The following SNX6 variants were observed in gnomAD, a reference collection of about 807,000 sequenced individuals.
SNX6 encodes the protein sorting nexin-6.
Under a neutral mutation model 63.0 loss-of-function variants are expected in SNX6, and 34 were observed. That is an observed-to-expected ratio of 0.54 (90% CI 0.41 to 0.72). The LOEUF is 0.72. Ranked by LOEUF, SNX6 falls within the 30% of genes least tolerant of loss-of-function variation. The pLI, the probability that SNX6 is intolerant of heterozygous loss-of-function variation, is 0.00. For missense variants in SNX6, 398 were observed against 471.4 expected, an observed-to-expected ratio of 0.84 and a Z score of 1.44; for synonymous variants, 170 against 164.2, an observed-to-expected ratio of 1.04 and a Z score of -0.27.
Position 34,562,725 on chromosome 14 carries a change from G to A in SNX6, c.*397C>T. The stretch of plus-strand genomic sequence containing the variant: ...AACAAAATTTAAAAAATTCAAAAAA[G>A]GCAATCTTTATCTTGTTTCAACAAT... On this transcript the variant is annotated 3_prime_UTR_variant, in exon 14 of 14. Coordinates refer to ENST00000362031, the MANE Select transcript of SNX6 (RefSeq NM_152233.4). The A allele has an allele frequency of 6.5e-6, 1 of 153,648 alleles. No homozygotes were observed. The highest frequency in any genetic ancestry group is 1.5e-5 in the Non-Finnish European group (1 of 68,294). The allele number at this position is 153,648 out of a possible 1,614,324, so 9.5% of individuals were successfully genotyped here.
At chr14:34,591,957 T>C (rs1032996230) in intron 8 of SNX6, among the ~76,000 whole-genome samples, 1 of 152,184 alleles carries the variant, frequency 6.6e-6, no homozygotes, top group African/African-American at 2.4e-5. Context: ...CATACTTGAG[T>C]ATGTAGCCAA....
chr14:34,562,994 G>A lies in SNX6; in HGVS notation c.*128C>T. 2.3e-6 allele frequency: 2 copies of A among 875,504 alleles called. No homozygotes were observed. The highest frequency in any genetic ancestry group is 1.7e-5 in the African/African-American group (1 of 59,356). The allele number at this position is 875,504 out of a possible 1,614,324, so 54.2% of individuals were successfully genotyped here. A position where few individuals can be genotyped will look rare whatever the true frequency, so the allele number is the denominator to read the frequency against. ...CTGCTCCATGTTTCTCAGAAAAAGA[G>A]GAGTTGATGCACTTTTTCAGCTGCT... On this transcript the variant is annotated 3_prime_UTR_variant, in exon 14 of 14. Coordinates refer to ENST00000362031, the MANE Select transcript of SNX6 (RefSeq NM_152233.4).
chr14:34,566,980 C>T (rs758944190), intron 13 of SNX6, among the ~76,000 whole-genome samples: 33 of 152,018 alleles, frequency 2.2e-4, no homozygotes, highest in Middle Eastern at 3.4e-3. Flanking sequence ...CTCAGCACTA[C>T]GGGAGGCCGA....
At chr14:34,597,095 G>A (rs1241244842) in intron 7 of SNX6, among the ~76,000 whole-genome samples, 2 of 152,260 alleles carry the variant, frequency 1.3e-5, no homozygotes, top group African/African-American at 4.8e-5. Flanking sequence ...TGTCTGTCCT[G>A]CATCTAGGAG....
At chr14:34,593,590 TTA>T (rs1882485797) in intron 7 of SNX6, among the ~76,000 whole-genome samples, 1 of 150,152 alleles carries the variant, frequency 6.7e-6, no homozygotes. Flanking sequence ...TTTTTTTTTT[TTA>T]GGCAAAGTCT....
At chr14:34,584,809 A>T (rs1252708844) in intron 9 of SNX6, among the ~76,000 whole-genome samples, 4 of 152,134 alleles carry the variant, frequency 2.6e-5, no homozygotes, top group Non-Finnish European at 5.9e-5. Context: ...TTTAAAAAAT[A>T]GGACAGAAAG....
intron 7 of SNX6, 50 bp downstream of exon 7, chr14:34,597,500 T>C (rs752908549): frequency 3.7e-5 from 40 of 1,079,338 alleles, no homozygotes; most frequent in Non-Finnish European, 7.0e-6. Context: ...TCTATCTCCC[T>C]TTTAAAAGAA....
chr14:34,629,843 C>G, intron 2 of SNX6, 64 bp downstream of exon 2: 1 of 1,546,914 alleles, frequency 6.5e-7, no homozygotes, highest in Non-Finnish European at 8.7e-7. Context: ...CGTACCACAC[C>G]CGGGGACCCA....
chr14:34,592,463 T>A, intron 8 of SNX6, among the ~76,000 whole-genome samples: 1 of 152,142 alleles, frequency 6.6e-6, no homozygotes, highest in East Asian at 1.9e-4. Context: ...CTGACTTGAT[T>A]TGTATGTAAT....
chr14:34,586,435 GGT>G, intron 8 of SNX6, 130 bp from the exon 9 acceptor site: 1 of 487,108 alleles, frequency 2.1e-6, no homozygotes, highest in Non-Finnish European at 3.7e-6. Flanking sequence ...CAACAGGCAT[GGT>G]GGCTCATGCC....
At chr14:34,572,211 T>A (rs1248910687) in intron 11 of SNX6, among the ~76,000 whole-genome samples, 1 of 152,194 alleles carries the variant, frequency 6.6e-6, no homozygotes, top group African/African-American at 2.4e-5. Flanking sequence ...GTTTTAATTC[T>A]GACAACTAAA....
At chr14:34,563,332 G>A (rs1198958292) in intron 13 of SNX6, among the ~76,000 whole-genome samples, 157 bp from the exon 14 acceptor site, 4 of 152,290 alleles carry the variant, frequency 2.6e-5, no homozygotes, top group Non-Finnish European at 4.4e-5. Context: ...GCCGAGGCGG[G>A]TGGATCACGA....
chr14:34,596,770 G>C (rs773557929), intron 7 of SNX6, among the ~76,000 whole-genome samples: 1 of 151,486 alleles, frequency 6.6e-6, no homozygotes, highest in South Asian at 2.1e-4. Context: ...GGCAACCTCC[G>C]CCTCCTAGGT....
At chr14:34,586,600 C>T (rs1594714305) in intron 8 of SNX6, among the ~76,000 whole-genome samples, 1 of 152,030 alleles carries the variant, frequency 6.6e-6, no homozygotes, top group South Asian at 2.1e-4. Context: ...CCCAGCTACT[C>T]GGGAGGCTGA....
Position 34,608,183 on chromosome 14 carries a change from C to T in SNX6, c.160-43G>A, listed in dbSNP as rs772955829. The T allele has an allele frequency of 7.3e-6, 9 of 1,224,700 alleles. No individual in the cohort carries two copies. In the South Asian group the frequency reaches 9.1e-5, roughly 12 times the overall value. The allele number at this position is 1,224,700 out of a possible 1,614,324, so 75.9% of individuals were successfully genotyped here. On this transcript the variant is annotated intron_variant, in intron 3 of 13. Coordinates refer to ENST00000362031, the MANE Select transcript of SNX6 (RefSeq NM_152233.4). ...TTCTTGAATAAAAATCAAATTTACA[C>T]TAAAAAGTTTTTTGAAACTGGGTCT...
chr14:34,577,348 C>A (rs994619774), intron 10 of SNX6, among the ~76,000 whole-genome samples: 3 of 152,062 alleles, frequency 2.0e-5, no homozygotes, highest in African/African-American at 7.2e-5. Context: ...CTCAGCCTCC[C>A]AAAGTGCTGG....
At position 34,587,466 on chromosome 14, in the gene SNX6, G is replaced by A. The variant is rs551194517; in HGVS notation, c.719-1161C>T. 3.4e-5 allele frequency among the ~76,000 whole-genome samples: 5 copies of A among 147,258 alleles called. No homozygotes were observed. In the South Asian group the frequency reaches 1.1e-3, roughly 32 times the overall value. On this transcript the variant is annotated intron_variant, in intron 8 of 13. Transcript: ENST00000362031. ...GAGAATGGCGTGAACCCGGGAGGTG[G>A]AGGTTGCAGTGAGCCAAGATCGTGC...
At chr14:34,618,339 C>G (rs1283461088) in intron 2 of SNX6, among the ~76,000 whole-genome samples, 1 of 144,776 alleles carries the variant, frequency 6.9e-6, no homozygotes, top group African/African-American at 2.8e-5. Context: ...CACTATAGTC[C>G]TGCCATGTGG....
At chr14:34,586,420 G>C in intron 8 of SNX6, 115 bp from the exon 9 acceptor site, 1 of 460,284 alleles carries the variant, frequency 2.2e-6, no homozygotes, top group Non-Finnish European at 3.9e-6. Context: ...AGAAAATAAC[G>C]CAAGCAACAG....
Sources: allele counts gnomAD v4.1 joint callset (sites outside exome capture counted in the v4.1 genomes callset), GRCh38; gene constraint gnomAD v4.1.1; transcripts MANE v1.5; gene names NCBI Gene and HGNC (gene_info 2026-07-23, HGNC 2026-07-21).